The following KIAA1217 variants were observed in gnomAD, a reference collection of about 807,000 sequenced individuals.
KIAA1217 encodes sickle tail protein homolog.
Under a neutral mutation model 163.9 loss-of-function variants are expected in KIAA1217, and 88 were observed. The ratio of observed to expected loss-of-function variants is 0.54; its 90% CI spans 0.45 to 0.64. KIAA1217 has a LOEUF of 0.64. KIAA1217 is among the 30% of genes least tolerant of loss of function. KIAA1217 has a pLI of 0.00. For missense variants in KIAA1217, 2,372 were observed against 2,475.0 expected, an observed-to-expected ratio of 0.96 and a Z score of 0.88; for synonymous variants, 903 against 923.1, an observed-to-expected ratio of 0.98 and a Z score of 0.39.
At chr10:24,187,845 G>T (rs936668463) in intron 2 of KIAA1217, among the ~76,000 whole-genome samples, 2 of 148,880 alleles carry the variant, frequency 1.3e-5, no homozygotes, top group African/African-American at 2.5e-5. Flanking sequence ...AGCCAAGATC[G>T]CACCATTGCA....
At chr10:24,499,304 G>A (rs929659459) in intron 8 of KIAA1217, among the ~76,000 whole-genome samples, 3 of 152,192 alleles carry the variant, frequency 2.0e-5, no homozygotes, top group Non-Finnish European at 2.9e-5. Flanking sequence ...TTTCATAGTT[G>A]GAGAATATCC....
chr10:24,484,505 C>T (rs1437950154), intron 6 of KIAA1217, among the ~76,000 whole-genome samples: 1 of 151,784 alleles, frequency 6.6e-6, no homozygotes, highest in Non-Finnish European at 1.5e-5. Context: ...CCTCGGCCTC[C>T]CAAAGTGCTG....
intron 8 of KIAA1217, among the ~76,000 whole-genome samples, chr10:24,500,223 A>C (rs1270287303): frequency 8.1e-5 from 9 of 110,756 alleles, no homozygotes; most frequent in African/African-American, 2.5e-4. Flanking sequence ...GTGTGTCTTT[A>C]TTAGTAACAT....
chr10:24,475,550 T>C (rs2063921941), intron 6 of KIAA1217, among the ~76,000 whole-genome samples: 1 of 152,238 alleles, frequency 6.6e-6, no homozygotes, highest in African/African-American at 2.4e-5. Flanking sequence ...ACAAAAGTTC[T>C]AACTCTCTCA....
intron 2 of KIAA1217, among the ~76,000 whole-genome samples, chr10:24,187,920 G>T (rs769641947): frequency 6.7e-6 from 1 of 149,822 alleles, no homozygotes; most frequent in Non-Finnish European, 1.5e-5. Context: ...GCAATAGGCC[G>T]GGTGCAGTGG....
At chr10:24,231,040 G>A (rs1444835112) in intron 2 of KIAA1217, among the ~76,000 whole-genome samples, 1 of 152,192 alleles carries the variant, frequency 6.6e-6, no homozygotes, top group Non-Finnish European at 1.5e-5. Context: ...ACTGGACTGG[G>A]GACCAGTCTG....
chr10:24,100,993 G>T (rs1385807597), intron 2 of KIAA1217, among the ~76,000 whole-genome samples: 1 of 152,196 alleles, frequency 6.6e-6, no homozygotes, highest in Non-Finnish European at 1.5e-5. Context: ...TGGCCACTTT[G>T]TGGCCCTGCT....
intron 2 of KIAA1217, among the ~76,000 whole-genome samples, chr10:24,200,244 G>A (rs1453492995): frequency 1.3e-5 from 2 of 148,850 alleles, no homozygotes; most frequent in South Asian, 2.1e-4. Flanking sequence ...ATGGGGCCTC[G>A]CTGTTTCCTA....
At chr10:24,044,188 A>G (rs576379851) in intron 2 of KIAA1217, among the ~76,000 whole-genome samples, 1 of 152,310 alleles carries the variant, frequency 6.6e-6, no homozygotes, top group East Asian at 1.9e-4. Flanking sequence ...TGTATCATAT[A>G]GCACCAATAG....
chr10:24,461,474 C>A (rs978903453), intron 5 of KIAA1217, among the ~76,000 whole-genome samples: 3 of 152,116 alleles, frequency 2.0e-5, no homozygotes, highest in Non-Finnish European at 4.4e-5. Flanking sequence ...CCTGCCTCAG[C>A]CTCCCAAGTA....
intron 2 of KIAA1217, among the ~76,000 whole-genome samples, chr10:24,115,742 A>C (rs369142145): frequency 6.6e-6 from 1 of 152,212 alleles, no homozygotes; most frequent in Non-Finnish European, 1.5e-5. Context: ...ATGCTTTTGC[A>C]TGGCGCCACC....
chr10:23,853,559 C>A (rs1228845881), intron 1 of KIAA1217, among the ~76,000 whole-genome samples: 1 of 152,108 alleles, frequency 6.6e-6, no homozygotes, highest in African/African-American at 2.4e-5. Flanking sequence ...CCCTCTTTTT[C>A]TATTGATTGC....
In KIAA1217 at chr10:24,219,590, A is replaced by G. The variant is rs748717525; in HGVS notation, c.71-36A>G. On this transcript the variant is annotated intron_variant, in intron 1 of 20. Transcript: ENST00000376454. ...CTGCAAATGAGACTTCTAGTGTGAA[A>G]TCATTAATTGTGAACCGAATTTTTT... 1.4e-5 allele frequency: 21 copies of G among 1,524,722 alleles called. No individual in the cohort carries two copies. In the South Asian group the frequency reaches 2.8e-4, roughly 20 times the overall value. The allele number at this position is 1,524,722 out of a possible 1,614,324, so 94.4% of individuals were successfully genotyped here.
At chr10:24,353,423 T>G (rs1403602543) in intron 2 of KIAA1217, among the ~76,000 whole-genome samples, 2 of 151,420 alleles carry the variant, frequency 1.3e-5, no homozygotes, top group African/African-American at 4.9e-5. Context: ...CGGTACCTTT[T>G]ATTTTATTTT....
At chr10:24,345,155 C>G (rs2047567291) in intron 2 of KIAA1217, among the ~76,000 whole-genome samples, 1 of 152,188 alleles carries the variant, frequency 6.6e-6, no homozygotes, top group Non-Finnish European at 1.5e-5. Flanking sequence ...ATAGTGATTT[C>G]TTCACTGACA....
chr10:24,328,024 C>T (rs963524995), intron 2 of KIAA1217, among the ~76,000 whole-genome samples: 17 of 152,274 alleles, frequency 1.1e-4, no homozygotes, highest in South Asian at 6.2e-4. Flanking sequence ...CCTTGTAACT[C>T]CCTGATTGGG....
At chr10:24,379,651 G>C (rs531049051) in intron 2 of KIAA1217, among the ~76,000 whole-genome samples, 14 of 152,194 alleles carry the variant, frequency 9.2e-5, no homozygotes, top group African/African-American at 3.4e-4. Flanking sequence ...ATTCTCAAAG[G>C]GTACTGCTAG....
At chr10:24,348,479 C>A (rs367817213) in intron 2 of KIAA1217, among the ~76,000 whole-genome samples, 1 of 151,950 alleles carries the variant, frequency 6.6e-6, no homozygotes, top group Non-Finnish European at 1.5e-5. Flanking sequence ...CAGATAAATT[C>A]TAAATGAAAA....
In KIAA1217 at chr10:24,018,773, A is replaced by G. The variant is rs539073844; in HGVS notation, c.-171+11399A>G. On this transcript the variant is annotated intron_variant, in intron 2 of 18. Transcript: ENST00000376462. ...ACTGCACTATCATGTTTATTGCAGC[A>G]CTATTCACCATAGCCATAGCCATGA... Among the ~76,000 whole-genome samples the G allele has an allele frequency of 7.9e-5, 12 of 152,202 alleles. No homozygotes were observed. In the South Asian group the frequency reaches 2.1e-3, roughly 26 times the overall value.
Sources: allele counts gnomAD v4.1 joint callset (sites outside exome capture counted in the v4.1 genomes callset), GRCh38; gene constraint gnomAD v4.1.1; transcripts MANE v1.5; gene names NCBI Gene and HGNC (gene_info 2026-07-23, HGNC 2026-07-21).